Variants in C12orf60 observed in about 807,000 individuals in gnomAD.
C12orf60 encodes the protein chromosome 12 open reading frame 60, also known as uncharacterized protein C12orf60.
For synonymous variants in C12orf60, 102 were observed against 94.6 expected (o/e 1.08, Z -0.45); for missense variants, 284 against 283.2 (o/e 1.00, Z -0.02).
chr12:14,807,372 G>T (rs1348920252), intron 1 of C12orf60, among the ~76,000 whole-genome samples: 1 of 152,100 alleles, frequency 6.6e-6, no homozygotes, highest in Non-Finnish European at 1.5e-5. Flanking sequence ...GATTACTAGT[G>T]CTCCTTAGTT....
intron 1 of C12orf60, among the ~76,000 whole-genome samples, chr12:14,808,852 C>A (rs1950094680): frequency 6.6e-6 from 1 of 152,182 alleles, no homozygotes; most frequent in South Asian, 2.1e-4. Flanking sequence ...TAGAAAATTT[C>A]CTAATCCAAT....
intron 1 of C12orf60, chr12:14,806,228 C>G: frequency 6.2e-7 from 1 of 1,614,216 alleles, no homozygotes; most frequent in Non-Finnish European, 8.5e-7. Context: ...TTTGAGCTAA[C>G]ACAGTGACCA....
chr12:14,805,980 T>A, intron 1 of C12orf60: 2 of 1,575,686 alleles, frequency 1.3e-6, no homozygotes, highest in East Asian at 4.5e-5. Flanking sequence ...GAAAAACACT[T>A]CAGTGGCAAA....
At chr12:14,816,917 T>C (rs1210629819) in intron 1 of C12orf60, among the ~76,000 whole-genome samples, 1 of 151,962 alleles carries the variant, frequency 6.6e-6, no homozygotes, top group Non-Finnish European at 1.5e-5. Flanking sequence ...AATTTTTGTA[T>C]TTTTTAGTAG....
At chr12:14,813,961 C>T (rs1308775108) in intron 1 of C12orf60, among the ~76,000 whole-genome samples, 6 of 152,140 alleles carry the variant, frequency 3.9e-5, no homozygotes, top group African/African-American at 1.2e-4. Flanking sequence ...AGGTTCCTTC[C>T]AAATCACAAG....
At chr12:14,809,944 G>A (rs949319258) in intron 1 of C12orf60, among the ~76,000 whole-genome samples, 3 of 152,162 alleles carry the variant, frequency 2.0e-5, no homozygotes, top group Admixed American at 6.5e-5. Context: ...GACATTGTAC[G>A]TTTTCAACTA....
chr12:14,814,093 A>G (rs566207435), intron 1 of C12orf60: 2 of 152,320 alleles, frequency 1.3e-5, no homozygotes, highest in African/African-American at 4.8e-5. Context: ...AGAGTATTAT[A>G]TCAATACTAA....
chr12:14,815,203 G>A lies in C12orf60; in HGVS notation c.-24-7709G>A, dbSNP rs116730113. Among the ~76,000 whole-genome samples, 1,048 of 152,308 alleles carry A rather than the reference G, an allele frequency of 6.9e-3. 16 individuals are homozygous for A. The highest frequency in any genetic ancestry group is 0.024 in the African/African-American group (1,008 of 41,554). ...TTAAAATCTAAAGATGCTGCCCTGT[G>A]ATTCTAAAGAAGGGCTAAGTGGGGT... On this transcript the variant is annotated intron_variant, in intron 1 of 1. Transcript: ENST00000330828.
intron 1 of C12orf60, chr12:14,814,150 G>A (rs1950183686): frequency 6.6e-6 from 1 of 152,132 alleles, no homozygotes; most frequent in Admixed American, 6.5e-5. Context: ...GAGTTCCGTG[G>A]TCCTAGCAGT....
chr12:14,809,979 T>A (rs1950110719), intron 1 of C12orf60, among the ~76,000 whole-genome samples: 1 of 152,258 alleles, frequency 6.6e-6, no homozygotes, highest in Non-Finnish European at 1.5e-5. Flanking sequence ...TTCCTCCTTT[T>A]AAGTAGTCTT....
intron 1 of C12orf60, 140 bp from the exon 2 acceptor site, chr12:14,822,772 C>T: frequency 3.2e-6 from 2 of 624,740 alleles, no homozygotes; most frequent in South Asian, 2.8e-5. Flanking sequence ...AAGCATAGTA[C>T]CATTTTTGTT....
At position 14,822,943 on chromosome 12, in the gene C12orf60, C is replaced by T. The variant is rs371419537; in HGVS notation, c.8C>T (p.Ser3Leu). 9.0e-5 allele frequency: 142 copies of T among 1,569,354 alleles called. No individual in the cohort carries two copies. The highest frequency in any genetic ancestry group is 1.2e-4 in the Non-Finnish European group (135 of 1,156,192). Reference sequence around the variant, plus strand: ...AACTTATTTGTTGGAGAAATGTCTTCAGAGTCAGAAAAGGATAAAGAGAGA... The same window carrying T: ...AACTTATTTGTTGGAGAAATGTCTTTAGAGTCAGAAAAGGATAAAGAGAGA... The part of the protein sequence containing the change: MS[S>L]ESEKDKERLI... Residue 3 changes from serine (S) to leucine (L), a missense_variant, in exon 2 of 2, where the codon TCA becomes TTA. Physicochemically the swap from Ser to Leu is moderately radical, Grantham distance 145 (BLOSUM62 -2). Coordinates refer to ENST00000330828, the MANE Select transcript of C12orf60 (RefSeq NM_175874.4).
At chr12:14,804,528 T>G (rs1240576043) in intron 1 of C12orf60, 1 of 152,216 alleles carries the variant, frequency 6.6e-6, no homozygotes, top group African/African-American at 2.4e-5. Flanking sequence ...AACTTACCTT[T>G]GTGTTAGGAA....
At chr12:14,819,889 A>T (rs1950279076) in intron 1 of C12orf60, among the ~76,000 whole-genome samples, 1 of 152,092 alleles carries the variant, frequency 6.6e-6, no homozygotes. Context: ...TAGCCTTATA[A>T]AATGAGTTGA....
At position 14,823,985 on chromosome 12, in the gene C12orf60, T is replaced by C. The variant is rs1950345496; in HGVS notation, c.*312T>C. On this transcript the variant is annotated 3_prime_UTR_variant, in exon 2 of 2. Transcript: ENST00000330828. ...CATAATTAAAACAACCCTAAAGTAG[T>C]TCCCACTCTTAACTATTCTATTTCC... The C allele has an allele frequency of 5.7e-6, 1 of 174,284 alleles. No homozygotes were observed. The highest frequency in any genetic ancestry group is 2.4e-5 in the African/African-American group (1 of 42,178). 10.8% of individuals were successfully genotyped at this position (174,284 alleles called of 1,614,324 possible).
chr12:14,806,739 A>G (rs757440130), intron 1 of C12orf60: 111 of 1,504,906 alleles, frequency 7.4e-5, no homozygotes, highest in Non-Finnish European at 6.6e-5. Context: ...GTCTTAAAAA[A>G]TGTCTGCTAA....
Position 14,822,989 on chromosome 12 carries a change from GTTC to G in C12orf60, c.60_62del (p.Phe21del), listed in dbSNP as rs762987188. ...AGAGACTGATTCAAGCTGCCAAAAT[GTTC>G]TTCTTTCATGTACAAGATCTTGCTT... is the stretch of plus-strand genomic sequence containing the variant. On this transcript the variant is annotated inframe_deletion, in exon 2 of 2. Transcript: ENST00000330828. 32 of 1,608,524 alleles carry G rather than the reference GTTC, an allele frequency of 2.0e-5. No individual in the cohort carries two copies. The East Asian group carries it at 2.0e-4, about 10-fold the overall frequency.
Position 14,823,657 on chromosome 12 carries a change from A to C in C12orf60, c.722A>C (p.Lys241Thr). The C allele has an allele frequency of 6.4e-7, 1 of 1,566,330 alleles. No individual in the cohort carries two copies. Residue 241 changes from lysine (K) to threonine (T), a missense_variant, in exon 2 of 2, where the codon AAA (lysine) becomes ACA (threonine). Physicochemically the swap from Lys to Thr is moderately conservative, Grantham distance 78 (BLOSUM62 -1). Coordinates refer to ENST00000330828, the MANE Select transcript of C12orf60 (RefSeq NM_175874.4). ...GAAATGAATATTTCTGTGTTTAAGA[A>C]AGCCAGTGACAAGTAGGGATGCAAC... Reference protein sequence around the residue: ...TMEMNISVFKKASDK With the variant: ...TMEMNISVFKTASDK
At chr12:14,806,045 G>A in intron 1 of C12orf60, 1 of 1,614,090 alleles carries the variant, frequency 6.2e-7, no homozygotes, top group Non-Finnish European at 8.5e-7. Context: ...CCTCAGTAAT[G>A]GCATGATTAT....
Sources: allele counts gnomAD v4.1 joint callset (sites outside exome capture counted in the v4.1 genomes callset), GRCh38; gene constraint gnomAD v4.1.1; transcripts MANE v1.5; gene names NCBI Gene and HGNC (gene_info 2026-07-23, HGNC 2026-07-21).